The following TTBK2 variants were observed in gnomAD, a reference collection of about 807,000 sequenced individuals.
The protein encoded by TTBK2 is tau-tubulin kinase 2.
In TTBK2, 28 loss-of-function variants were observed where a neutral mutation model predicts 110.8. That is an observed-to-expected ratio of 0.25 (90% CI 0.19 to 0.35). The LOEUF (loss-of-function observed/expected upper bound fraction) is 0.35. Among genes scored for constraint, TTBK2 ranks in the 10% least tolerant of loss-of-function variants. The pLI is 1.00. For missense variants in TTBK2, 1,369 were observed against 1,500.3 expected, an observed-to-expected ratio of 0.91 and a Z score of 1.45; for synonymous variants, 532 against 527.3, an observed-to-expected ratio of 1.01 and a Z score of -0.12.
chr15:42,821,787 T>C (rs576361994), intron 6 of TTBK2, among the ~76,000 whole-genome samples: 39 of 151,838 alleles, frequency 2.6e-4, no homozygotes, highest in African/African-American at 9.2e-4. Flanking sequence ...CCTCCCGGGT[T>C]CACCCCATTC....
intron 3 of TTBK2, among the ~76,000 whole-genome samples, chr15:42,864,713 A>G (rs1894296582): frequency 6.6e-6 from 1 of 152,190 alleles, no homozygotes. Flanking sequence ...ATTTTTTGGC[A>G]GTAGACTTCT....
chr15:42,902,680 C>G (rs116325651), intron 1 of TTBK2, among the ~76,000 whole-genome samples: 3,736 of 151,998 alleles, frequency 0.025, 170 homozygotes, highest in African/African-American at 0.086. Context: ...CTGTGAAAAA[C>G]AGTGCGGCAG....
intron 13 of TTBK2, among the ~76,000 whole-genome samples, chr15:42,770,434 C>T (rs1490795949): frequency 6.6e-6 from 1 of 152,062 alleles, no homozygotes; most frequent in Non-Finnish European, 1.5e-5. Flanking sequence ...AGTAGACACT[C>T]AACAAATGTT....
chr15:42,831,653 A>G (rs1272019769), intron 4 of TTBK2, among the ~76,000 whole-genome samples: 1 of 152,128 alleles, frequency 6.6e-6, no homozygotes, highest in African/African-American at 2.4e-5. Context: ...CTCTGACCCC[A>G]AAGTGCTCTT....
At chr15:42,853,143 G>A (rs971879351) in intron 3 of TTBK2, among the ~76,000 whole-genome samples, 3 of 152,170 alleles carry the variant, frequency 2.0e-5, no homozygotes, top group African/African-American at 7.2e-5. Context: ...CAGAACAGGT[G>A]CAGTTCCTCT....
rs143763197 is a variant in TTBK2, at chr15:42,813,097, A to T, written c.604-1317T>A. The stretch of plus-strand genomic sequence containing the variant: ...GGAATATAAGAATCTTCCAGAATCA[A>T]GGAAAGACATGAACATTTTGGTTAG... On this transcript the variant is annotated intron_variant, in intron 7 of 14. Transcript: ENST00000267890. Among the ~76,000 whole-genome samples the T allele has an allele frequency of 1.4e-4, 21 of 152,300 alleles. No individual in the cohort carries two copies. The East Asian group carries it at 3.5e-3, about 25-fold the overall frequency.
chr15:42,816,844 G>C (rs542696032), intron 7 of TTBK2, among the ~76,000 whole-genome samples, 188 bp downstream of exon 7: 1 of 151,772 alleles, frequency 6.6e-6, no homozygotes, highest in African/African-American at 2.4e-5. Flanking sequence ...ACTTGAACCC[G>C]GGAGGCAGAG....
In TTBK2 at chr15:42,814,171, G is replaced by A. The variant is rs145388385; in HGVS notation, c.604-2391C>T. Among the ~76,000 whole-genome samples, 1,200 of 152,058 alleles carry A rather than the reference G, an allele frequency of 7.9e-3. 12 individuals are homozygous for A. The highest frequency in any genetic ancestry group is 0.027 in the African/African-American group (1,105 of 41,502). On this transcript the variant is annotated intron_variant, in intron 7 of 14. Transcript: ENST00000267890. ...CGAGTAGCTGAGATTACAGGCGCCC[G>A]CCACCACACCCAGCTAATTTTTATA...
intron 1 of TTBK2, among the ~76,000 whole-genome samples, chr15:42,898,952 T>G (rs1215928074): frequency 6.6e-6 from 1 of 152,202 alleles, no homozygotes; most frequent in Non-Finnish European, 1.5e-5. Flanking sequence ...CTGTTAAAAC[T>G]CTAATAATAA....
intron 3 of TTBK2, among the ~76,000 whole-genome samples, chr15:42,871,823 C>T (rs1476319123): frequency 6.6e-6 from 1 of 152,094 alleles, no homozygotes; most frequent in Non-Finnish European, 1.5e-5. Flanking sequence ...AAAAACAGAT[C>T]TATAATTTTA....
At chr15:42,767,793 G>A (rs1889455348) in intron 13 of TTBK2, among the ~76,000 whole-genome samples, 1 of 152,142 alleles carries the variant, frequency 6.6e-6, no homozygotes, top group African/African-American at 2.4e-5. Context: ...ACCAAAGCCT[G>A]ACAGAGACAC....
intron 3 of TTBK2, among the ~76,000 whole-genome samples, chr15:42,844,164 T>C (rs1325399133): frequency 6.6e-6 from 1 of 152,190 alleles, no homozygotes; most frequent in Non-Finnish European, 1.5e-5. Context: ...TGCTAGGCTG[T>C]AACAGTACCT....
In TTBK2 at chr15:42,742,732, C is replaced by T. The variant is rs1021011335; in HGVS notation, c.*3063G>A. On this transcript the variant is annotated 3_prime_UTR_variant, in exon 15 of 15. Coordinates refer to ENST00000267890, the MANE Select transcript of TTBK2 (RefSeq NM_173500.4). ...TTTCAAAAGATAATTTTAACTGCTGCCCTATACTACTTTTAGTATAGTTTG... is the reference window on the plus strand; with the variant it reads ...TTTCAAAAGATAATTTTAACTGCTGTCCTATACTACTTTTAGTATAGTTTG... 6.6e-6 allele frequency: 1 copy of T among 152,182 alleles called. No homozygotes were observed. Among genetic ancestry groups the T allele is most frequent in the Non-Finnish European group, 1.5e-5 (1 of 68,022 alleles). The allele number at this position is 152,182 out of a possible 1,614,324, so 9.4% of individuals were successfully genotyped here.
chr15:42,792,595 C>T (rs1029527635), intron 10 of TTBK2, among the ~76,000 whole-genome samples: 12 of 151,950 alleles, frequency 7.9e-5, no homozygotes, highest in African/African-American at 2.4e-4. Flanking sequence ...TTTTTGGGAT[C>T]GAAAGACAGC....
At chr15:42,832,126 C>T (rs1892786721) in intron 4 of TTBK2, among the ~76,000 whole-genome samples, 2 of 152,108 alleles carry the variant, frequency 1.3e-5, no homozygotes, top group African/African-American at 2.4e-5. Flanking sequence ...TTGTTCCCTG[C>T]ACCTGTAGCG....
chr15:42,909,530 A>G (rs2030623049), intron 1 of TTBK2, among the ~76,000 whole-genome samples: 1 of 152,200 alleles, frequency 6.6e-6, no homozygotes, highest in Admixed American at 6.5e-5. Flanking sequence ...TCATATATGC[A>G]AAGTCTCTTC....
chr15:42,763,181 T>TATAC (rs1331461618), intron 13 of TTBK2, among the ~76,000 whole-genome samples: 11 of 24,734 alleles, frequency 4.4e-4, no homozygotes, highest in Non-Finnish European at 6.4e-4. Context: ...TATATATATA[T>TATAC]ATATATATAT....
chr15:42,784,547 G>A (rs1890325577), intron 10 of TTBK2, among the ~76,000 whole-genome samples: 1 of 152,130 alleles, frequency 6.6e-6, no homozygotes, highest in African/African-American at 2.4e-5. Flanking sequence ...CAAAGTGCTG[G>A]GATTACAGGT....
chr15:42,830,225 T>A (rs1892693373), intron 4 of TTBK2, 147 bp from the exon 5 acceptor site: 3 of 942,212 alleles, frequency 3.2e-6, no homozygotes. Flanking sequence ...TTCACTCTTG[T>A]TGCCCAGGCT....
Sources: gnomAD v4.1 joint callset for allele counts (sites outside exome capture counted in the v4.1 genomes callset) on GRCh38, gnomAD v4.1.1 for gene constraint, MANE v1.5 for transcripts, NCBI Gene and HGNC (gene_info 2026-07-23, HGNC 2026-07-21) for gene names.